PRICKLE4: variants seen among roughly 807,000 people sequenced by gnomAD.
The protein encoded by PRICKLE4 is prickle-like protein 4.
A neutral mutation model predicts 43.5 loss-of-function variants in PRICKLE4; 40 were observed. The observed-to-expected ratio is 0.92, with a 90% CI of 0.71 to 1.20. The LOEUF is 1.20. PRICKLE4 is among the 50% of genes most tolerant of loss of function. The pLI, the probability that PRICKLE4 is intolerant of heterozygous loss-of-function variation, is 0.00. For synonymous variants in PRICKLE4, 208 were observed against 197.4 expected (o/e 1.05, Z -0.45); for missense variants, 527 against 491.2 (o/e 1.07, Z -0.69).
chr6:41,784,016 G>A (rs1489827718), intron 3 of PRICKLE4, 115 bp from the exon 4 acceptor site: 23 of 758,472 alleles, frequency 3.0e-5, no homozygotes, highest in Non-Finnish European at 5.0e-5. Context: ...CCAAATGGAG[G>A]GCATGCTTAG....
intron 7 of PRICKLE4, 146 bp downstream of exon 7, chr6:41,786,478 G>T: frequency 9.2e-7 from 1 of 1,087,874 alleles, no homozygotes; most frequent in Non-Finnish European, 1.3e-6. Context: ...AAGCCTCGGG[G>T]CCCGCAGCTC....
In PRICKLE4 at chr6:41,786,292, C is replaced by T. The variant is rs1300111135; in HGVS notation, c.747C>T (p.Gly249=). ...TCGAGAACCGCTACTCGGATGCAGG[C>T]TCGAGCTGGGCCGGGGCACTGGAAG... ...SCFENRYSDA[G]SSWAGALEGQ... The change falls in exon 7 of 8, where the codon GGC becomes GGT. Residue 249 remains glycine, a synonymous_variant. Transcript: ENST00000458694. The T allele has an allele frequency of 1.8e-5, 29 of 1,586,272 alleles. No individual in the cohort carries two copies. Among genetic ancestry groups the T allele is most frequent in the Middle Eastern group, 1.7e-4 (1 of 5,968 alleles).
intron 4 of PRICKLE4, among the ~76,000 whole-genome samples, chr6:41,784,453 G>C (rs1049568543): frequency 2.6e-5 from 4 of 152,236 alleles, no homozygotes; most frequent in African/African-American, 9.6e-5. Flanking sequence ...ACAATGCTTA[G>C]TTCAAGAGCA....
In PRICKLE4 at chr6:41,786,834, T is replaced by TA. The variant is rs757399488; in HGVS notation, c.860_861insA (p.Leu288ProfsTer46). The TA allele has an allele frequency of 1.3e-6, 2 of 1,555,306 alleles. No individual in the cohort carries two copies. Among genetic ancestry groups the TA allele is most frequent in the South Asian group, 1.1e-5 (1 of 87,812 alleles). ...AACTCTGCAACCCTCTCCCGAACAC[T>TA]CCTCGCTGCTGCCGGCGGTTCCAGC... On this transcript the variant is annotated frameshift_variant, in exon 8 of 8. Coordinates refer to ENST00000458694, the MANE Select transcript of PRICKLE4 (RefSeq NM_013397.6). LOFTEE classifies it high-confidence loss of function.
intron 6 of PRICKLE4, 116 bp downstream of exon 6, chr6:41,785,656 G>C: frequency 8.8e-7 from 1 of 1,134,046 alleles, no homozygotes; most frequent in South Asian, 1.5e-5. Flanking sequence ...GGAGAAGTAG[G>C]AACCAGCCTG....
chr6:41,784,519 A>G (rs1772608238), intron 4 of PRICKLE4, among the ~76,000 whole-genome samples: 1 of 152,256 alleles, frequency 6.6e-6, no homozygotes, highest in Admixed American at 6.5e-5. Flanking sequence ...GTACAAATGT[A>G]GAGAGTATGG....
At chr6:41,783,644 C>T in intron 3 of PRICKLE4, 39 bp downstream of exon 3, 2 of 1,613,862 alleles carry the variant, frequency 1.2e-6, no homozygotes, top group Non-Finnish European at 1.7e-6. Context: ...CCAACATGTC[C>T]TCTATCCTGT....
intron 2 of PRICKLE4, among the ~76,000 whole-genome samples, chr6:41,782,573 A>G (rs943793277): frequency 6.6e-6 from 1 of 150,906 alleles, no homozygotes; most frequent in Non-Finnish European, 1.5e-5. Flanking sequence ...TAATATTTTT[A>G]GTAGAGAGGA....
Position 41,786,665 on chromosome 6 carries a change from T to TGGGCG in PRICKLE4, c.788-89_788-85dup, listed in dbSNP as rs1287179082. Reference sequence around the variant, plus strand: ...GCGGCGGCGCGCACGGCCCAGGGGCTGGGCGGGGCGGGAGGCTGGGCCTCA... The same window carrying TGGGCG: ...GCGGCGGCGCGCACGGCCCAGGGGCTGGGCGGGGCGGGGCGGGAGGCTGGGCCTCA... On this transcript the variant is annotated intron_variant, in intron 7 of 7. Transcript: ENST00000458694. 11 of 1,582,296 alleles carry TGGGCG rather than the reference T, an allele frequency of 7.0e-6. No homozygotes were observed. The South Asian group carries it at 9.0e-5, about 13-fold the overall frequency.
rs149365193 is a variant in PRICKLE4, at chr6:41,784,176, C to A, written c.178C>A (p.Gln60Lys). The change falls in exon 4 of 8, where the codon CAA becomes AAA. Residue 60 changes from glutamine (Q) to lysine (K), a missense_variant. Transcript: ENST00000458694. ...SLGSLCLDTN[Q>K]APNWTGLQTL... Reference sequence around the variant, plus strand: ...GGGTTCCCTTTGCCTGGACACCAACCAAGCCCCCAACTGGACTGGACTTCA... The same window carrying A: ...GGGTTCCCTTTGCCTGGACACCAACAAAGCCCCCAACTGGACTGGACTTCA... The A allele has an allele frequency of 7.7e-5, 124 of 1,613,764 alleles. No homozygotes were observed. Among genetic ancestry groups the A allele is most frequent in the Non-Finnish European group, 1.0e-4 (122 of 1,179,984 alleles).
At chr6:41,786,525 G>A in intron 7 of PRICKLE4, 193 bp downstream of exon 7, 1 of 1,007,260 alleles carries the variant, frequency 9.9e-7, no homozygotes, top group Non-Finnish European at 1.5e-6. Context: ...TCCAAGGGCC[G>A]CCCGAACCCA....
At position 41,787,442 on chromosome 6, in the gene PRICKLE4, A is replaced by G. The variant is rs1772686416; in HGVS notation, c.*313A>G. ...CCTCCCAAGCCAATTAAATGATCAC[A>G]GCACGCGTGACAGTTACCGGCTGGA... On this transcript the variant is annotated 3_prime_UTR_variant, in exon 8 of 8. Transcript: ENST00000458694. 4 of 618,070 alleles carry G rather than the reference A, an allele frequency of 6.5e-6. No individual in the cohort carries two copies. Among genetic ancestry groups the G allele is most frequent in the South Asian group, 6.3e-5 (3 of 47,274 alleles). 38.3% of individuals were successfully genotyped at this position (618,070 alleles called of 1,614,324 possible). A position where few individuals can be genotyped will look rare whatever the true frequency, so the allele number is the denominator to read the frequency against.
At chr6:41,786,044 A>G in intron 6 of PRICKLE4, 84 bp from the exon 7 acceptor site, 2 of 1,421,846 alleles carry the variant, frequency 1.4e-6, no homozygotes, top group Non-Finnish European at 2.0e-6. Context: ...CTTTAGCGTT[A>G]ACTGGGTAAA....
chr6:41,785,852 C>G lies in PRICKLE4; in HGVS notation c.583-276C>G, dbSNP rs141204850. Among the ~76,000 whole-genome samples, 627 of 152,286 alleles carry G rather than the reference C, an allele frequency of 4.1e-3. 2 individuals carry two copies. Among genetic ancestry groups the G allele is most frequent in the African/African-American group, 0.014 (576 of 41,560 alleles). On this transcript the variant is annotated intron_variant, in intron 6 of 7. Coordinates refer to ENST00000458694, the MANE Select transcript of PRICKLE4 (RefSeq NM_013397.6). ...CCGAGTGCCCAGTGCTGTGCCTCAT[C>G]ATGCTAGAAATTCCCTTGATGTCAG...
rs1364096075 is a variant in PRICKLE4 at position 41,784,164 on chromosome 6, C to T, written c.166C>T (p.Leu56=). 1.9e-6 allele frequency: 3 copies of T among 1,614,130 alleles called. No homozygotes were observed. In the South Asian group the frequency reaches 3.3e-5, roughly 18 times the overall value. The change falls in exon 4 of 8, where the codon CTG becomes TTG. Residue 56 remains leucine, a synonymous_variant. Coordinates refer to ENST00000458694, the MANE Select transcript of PRICKLE4 (RefSeq NM_013397.6). ...AGTTCTGAGCTTGGGTTCCCTTTGC[C>T]TGGACACCAACCAAGCCCCCAACTG... ...PAVLSLGSLC[L]DTNQAPNWTG...
intron 4 of PRICKLE4, among the ~76,000 whole-genome samples, chr6:41,784,607 A>G (rs1581978234): frequency 6.6e-6 from 1 of 152,236 alleles, no homozygotes; most frequent in East Asian, 1.9e-4. Context: ...AGACAGGAGT[A>G]TATGAAATAA....
intron 6 of PRICKLE4, among the ~76,000 whole-genome samples, chr6:41,785,752 T>G (rs1427105444): frequency 6.6e-6 from 1 of 152,014 alleles, no homozygotes; most frequent in Non-Finnish European, 1.5e-5. Flanking sequence ...CACTGCAGAG[T>G]CCCTCAAATG....
chr6:41,785,208 T>C, intron 5 of PRICKLE4, 129 bp from the exon 6 acceptor site: 1 of 1,518,664 alleles, frequency 6.6e-7, no homozygotes, highest in South Asian at 1.2e-5. Context: ...AAGCTCTTGG[T>C]ATAGGTTGCA....
rs751206078 is a variant in PRICKLE4 at position 41,785,458 on chromosome 6, T to C, written c.500T>C (p.Ile167Thr). The C allele has an allele frequency of 4.3e-6, 7 of 1,613,988 alleles. No individual in the cohort carries two copies. The highest frequency in any genetic ancestry group is 2.2e-5 in the South Asian group (2 of 91,092). Residue 167 changes from isoleucine (I) to threonine (T), a missense_variant, in exon 6 of 8, where the codon ATC (isoleucine) becomes ACC (threonine). Transcript: ENST00000458694. Reference protein sequence around the residue: ...QACGQALINLIYFYHDGQLYC... With the variant: ...QACGQALINLTYFYHDGQLYC... ...TGTGGCCAGGCCCTGATAAACCTCA[T>C]CTACTTCTACCATGATGGACAACTC...
Sources: allele counts gnomAD v4.1 joint callset (sites outside exome capture counted in the v4.1 genomes callset), GRCh38; gene constraint gnomAD v4.1.1; transcripts MANE v1.5; gene names NCBI Gene and HGNC (gene_info 2026-07-23, HGNC 2026-07-21).